Variants in SLC12A2 observed in about 807,000 individuals in gnomAD.
The protein encoded by SLC12A2 is Na-K-2Cl cotransporter 1.
Under a neutral mutation model 136.3 loss-of-function variants are expected in SLC12A2, and 67 were observed. The observed-to-expected ratio is 0.49, with a 90% confidence interval of 0.40 to 0.60. The LOEUF (loss-of-function observed/expected upper bound fraction) is 0.60. SLC12A2 is among the 20% of genes least tolerant of loss of function. The pLI is 0.00. For missense variants in SLC12A2, 1,322 were observed against 1,534.7 expected (o/e 0.86, Z 2.32); for synonymous variants, 619 against 562.9 (o/e 1.10, Z -1.41).
intron 10 of SLC12A2, among the ~76,000 whole-genome samples, chr5:128,143,071 C>G (rs1428393403): frequency 6.6e-6 from 1 of 152,006 alleles, no homozygotes; most frequent in Non-Finnish European, 1.5e-5. Context: ...GTTGAGTGTT[C>G]AATTCATAAA....
At chr5:128,108,973 T>C (rs1319555487) in intron 1 of SLC12A2, among the ~76,000 whole-genome samples, 1 of 152,192 alleles carries the variant, frequency 6.6e-6, no homozygotes, top group African/African-American at 2.4e-5. Flanking sequence ...ATACTTAATG[T>C]GTTTTAGGAT....
At chr5:128,106,563 T>C (rs1760944162) in intron 1 of SLC12A2, among the ~76,000 whole-genome samples, 1 of 152,196 alleles carries the variant, frequency 6.6e-6, no homozygotes, top group African/African-American at 2.4e-5. Flanking sequence ...CTTTTGACTT[T>C]TGAATTTTAT....
intron 18 of SLC12A2, chr5:128,170,001 C>T (rs1167339348): frequency 1.3e-5 from 2 of 152,176 alleles, no homozygotes; most frequent in African/African-American, 4.8e-5. Context: ...AGCAGTTTCA[C>T]AGCAGTGACA....
At chr5:128,178,129 T>A (rs1315318857) in intron 21 of SLC12A2, among the ~76,000 whole-genome samples, 1 of 152,206 alleles carries the variant, frequency 6.6e-6, no homozygotes, top group Non-Finnish European at 1.5e-5. Context: ...AACAACTTTG[T>A]CTTTTAAAAA....
At chr5:128,179,358 TG>T (rs1763628963) in intron 22 of SLC12A2, among the ~76,000 whole-genome samples, 1 of 152,212 alleles carries the variant, frequency 6.6e-6, no homozygotes, top group Non-Finnish European at 1.5e-5. Context: ...GGCATTTTAT[TG>T]TAAGGAAGAG....
intron 4 of SLC12A2, among the ~76,000 whole-genome samples, chr5:128,125,878 C>T (rs1761773250): frequency 6.6e-6 from 1 of 152,138 alleles, no homozygotes; most frequent in South Asian, 2.1e-4. Context: ...TTCTTGCCCC[C>T]ATCCTTGTAC....
intron 18 of SLC12A2, chr5:128,168,236 A>T (rs775029498): frequency 1.3e-5 from 2 of 157,266 alleles, no homozygotes; most frequent in Non-Finnish European, 1.4e-5. Context: ...CTATGTCATT[A>T]TAATGTGCTG....
At chr5:128,103,840 C>T (rs1472912091) in intron 1 of SLC12A2, among the ~76,000 whole-genome samples, 1 of 152,068 alleles carries the variant, frequency 6.6e-6, no homozygotes. Context: ...AGTTAGAACC[C>T]TCAATTATCT....
At chr5:128,118,995 A>G (rs1761455414) in intron 4 of SLC12A2, among the ~76,000 whole-genome samples, 1 of 152,194 alleles carries the variant, frequency 6.6e-6, no homozygotes, top group Non-Finnish European at 1.5e-5. Flanking sequence ...GGTTTAAAAC[A>G]AACTTGGGAT....
chr5:128,151,135 C>T (rs774444891), intron 13 of SLC12A2, 106 bp from the exon 14 acceptor site: 6 of 913,464 alleles, frequency 6.6e-6, no homozygotes, highest in Non-Finnish European at 9.8e-6. Flanking sequence ...GCTTAAAGTC[C>T]TCTCAGTGTG....
chr5:128,130,987 C>T (rs1761999779), intron 4 of SLC12A2, 80 bp from the exon 5 acceptor site: 1 of 1,354,604 alleles, frequency 7.4e-7, no homozygotes, highest in Admixed American at 1.8e-5. Context: ...TTTGTGAATT[C>T]ATGTATAATT....
Position 128,167,754 on chromosome 5 carries a change from A to G in SLC12A2, c.2617-7A>G, listed in dbSNP as rs1163506123. On this transcript the variant is annotated splice_region_variant and splice_polypyrimidine_tract_variant and intron_variant, in intron 17 of 26. Transcript: ENST00000262461. ...ATCTGTAAAGTTATATTGACCCTATATTTTAGGCTGCTGGTCTTGGTCGTA... is the reference window on the plus strand; with the variant it reads ...ATCTGTAAAGTTATATTGACCCTATGTTTTAGGCTGCTGGTCTTGGTCGTA... The G allele has an allele frequency of 8.2e-6, 13 of 1,583,242 alleles. No individual in the cohort carries two copies. Among genetic ancestry groups the G allele is most frequent in the East Asian group, 2.3e-5 (1 of 44,354 alleles).
chr5:128,183,875 A>G (rs1763785050), intron 24 of SLC12A2, among the ~76,000 whole-genome samples: 2 of 152,052 alleles, frequency 1.3e-5, no homozygotes, highest in African/African-American at 2.4e-5. Flanking sequence ...GGTAGATAAC[A>G]GTGAGATCAG....
rs912600222 is a variant in SLC12A2, at chr5:128,119,720, A to C, written c.1048+5039A>C. ...ATAAAAAATTAATTCAAGATGATTAAAGACTTAAACGTTAGACCTAAAACC... is the reference window on the plus strand; with the variant it reads ...ATAAAAAATTAATTCAAGATGATTACAGACTTAAACGTTAGACCTAAAACC... On this transcript the variant is annotated intron_variant, in intron 4 of 26. Transcript: ENST00000262461. 9.2e-5 allele frequency among the ~76,000 whole-genome samples: 14 copies of C among 152,192 alleles called. 1 individual carries two copies. Among genetic ancestry groups the C allele is most frequent in the Admixed American group, 3.9e-4 (6 of 15,278 alleles).
intron 1 of SLC12A2, among the ~76,000 whole-genome samples, chr5:128,091,585 G>A (rs1427060463): frequency 6.6e-6 from 1 of 152,148 alleles, no homozygotes; most frequent in East Asian, 1.9e-4. Flanking sequence ...CATTAGTGGT[G>A]TCTCATTTAA....
intron 2 of SLC12A2, among the ~76,000 whole-genome samples, chr5:128,113,770 C>T (rs565645660): frequency 2.0e-5 from 3 of 152,086 alleles, no homozygotes; most frequent in Non-Finnish European, 4.4e-5. Context: ...GAACAATTGG[C>T]ATTTTGTATC....
chr5:128,174,987 A>G (rs1449822621), intron 20 of SLC12A2, among the ~76,000 whole-genome samples: 4 of 152,084 alleles, frequency 2.6e-5, no homozygotes, highest in Non-Finnish European at 5.9e-5. Context: ...GAACATGGTA[A>G]TTTTAAAGTA....
chr5:128,185,847 A>G (rs149893496), intron 26 of SLC12A2, among the ~76,000 whole-genome samples: 2 of 152,292 alleles, frequency 1.3e-5, no homozygotes, highest in South Asian at 2.1e-4. Context: ...ACAAATTTTG[A>G]AAAATCTTTT....
intron 1 of SLC12A2, among the ~76,000 whole-genome samples, chr5:128,105,300 G>A (rs997243529): frequency 6.6e-6 from 1 of 152,180 alleles, no homozygotes; most frequent in Admixed American, 6.5e-5. Flanking sequence ...AGAGCTATGA[G>A]TCTGGTACGA....
Sources: allele counts gnomAD v4.1 joint callset (sites outside exome capture counted in the v4.1 genomes callset), GRCh38; gene constraint gnomAD v4.1.1; transcripts MANE v1.5; gene names NCBI Gene and HGNC (gene_info 2026-07-23, HGNC 2026-07-21).